The following FAM193A variants were observed in gnomAD, a reference collection of about 807,000 sequenced individuals.
FAM193A encodes family with sequence similarity 193 member A.
Under a neutral mutation model 126.5 loss-of-function variants are expected in FAM193A, and 22 were observed. The observed-to-expected ratio is 0.17, with a 90% CI of 0.12 to 0.25. FAM193A has a LOEUF of 0.25. Among genes scored for constraint, FAM193A ranks in the 10% least tolerant of loss-of-function variants. The pLI, the probability that FAM193A is intolerant of heterozygous loss-of-function variation, is 1.00. For synonymous variants in FAM193A, 761 were observed against 646.8 expected, an observed-to-expected ratio of 1.18 and a Z score of -2.68; for missense variants, 1,675 against 1,672.8, an observed-to-expected ratio of 1.00 and a Z score of -0.02.
chr4:2,581,131 A>AC (rs1739903955), intron 1 of FAM193A, among the ~76,000 whole-genome samples: 3 of 124,796 alleles, frequency 2.4e-5, no homozygotes, highest in Non-Finnish European at 5.0e-5. Context: ...TCCGTCTCAA[A>AC]AAACAACAAC....
At chr4:2,673,739 T>A (rs550220059) in intron 13 of FAM193A, among the ~76,000 whole-genome samples, 12 of 152,318 alleles carry the variant, frequency 7.9e-5, no homozygotes, top group Admixed American at 4.6e-4. Flanking sequence ...CAAGAAAAGA[T>A]AATATTCTGT....
At chr4:2,607,416 C>G (rs1475590539) in intron 2 of FAM193A, among the ~76,000 whole-genome samples, 1 of 152,136 alleles carries the variant, frequency 6.6e-6, no homozygotes, top group Non-Finnish European at 1.5e-5. Flanking sequence ...AGGCAGAGGA[C>G]ATTTTGGTAC....
chr4:2,709,193 G>A (rs370414361), intron 19 of FAM193A, among the ~76,000 whole-genome samples: 4 of 152,040 alleles, frequency 2.6e-5, no homozygotes, highest in African/African-American at 9.7e-5. Context: ...GTATTAATAC[G>A]ATGTTTTACA....
intron 1 of FAM193A, among the ~76,000 whole-genome samples, chr4:2,538,938 T>C (rs1737057819): frequency 6.6e-6 from 1 of 152,136 alleles, no homozygotes; most frequent in Admixed American, 6.6e-5. Context: ...TCGCCCAGGC[T>C]GGAGTGCAGT....
chr4:2,698,146 G>C (rs1717253844), intron 18 of FAM193A, among the ~76,000 whole-genome samples: 1 of 152,254 alleles, frequency 6.6e-6, no homozygotes, highest in South Asian at 2.1e-4. Context: ...GGTTGTTGAA[G>C]GGACAGCAAT....
chr4:2,571,844 C>T (rs1171683364), intron 1 of FAM193A, among the ~76,000 whole-genome samples: 2 of 151,158 alleles, frequency 1.3e-5, no homozygotes, highest in African/African-American at 4.9e-5. Context: ...TCTGCCTAGA[C>T]CAGAACTTTT....
At chr4:2,611,281 T>C (rs1210083962) in intron 2 of FAM193A, among the ~76,000 whole-genome samples, 1 of 151,032 alleles carries the variant, frequency 6.6e-6, no homozygotes, top group Non-Finnish European at 1.5e-5. Context: ...ATTTATTTAT[T>C]TATTTGAGAC....
At chr4:2,712,532 C>T (rs768405718) in intron 19 of FAM193A, among the ~76,000 whole-genome samples, 2 of 152,154 alleles carry the variant, frequency 1.3e-5, no homozygotes, top group African/African-American at 4.8e-5. Flanking sequence ...ATTTGCCTGA[C>T]GAGACAGCCT....
At chr4:2,684,933 G>A (rs758466631) in intron 13 of FAM193A, among the ~76,000 whole-genome samples, 5 of 152,222 alleles carry the variant, frequency 3.3e-5, no homozygotes, top group Non-Finnish European at 7.3e-5. Flanking sequence ...AGCAGGTGCG[G>A]CTGCATTTTG....
At chr4:2,557,959 A>G (rs1738362176) in intron 1 of FAM193A, among the ~76,000 whole-genome samples, 1 of 151,932 alleles carries the variant, frequency 6.6e-6, no homozygotes, top group African/African-American at 2.4e-5. Context: ...CTCAAAAAAA[A>G]AAAAAGTTAA....
intron 5 of FAM193A, among the ~76,000 whole-genome samples, chr4:2,637,172 C>A (rs866282469): frequency 2.6e-5 from 4 of 152,092 alleles, no homozygotes; most frequent in South Asian, 2.1e-4. Flanking sequence ...ACAGAAGATA[C>A]AAAAATTAGC....
intron 7 of FAM193A, among the ~76,000 whole-genome samples, chr4:2,649,348 CT>C (rs1745444830): frequency 7.0e-6 from 1 of 142,206 alleles, no homozygotes; most frequent in Non-Finnish European, 1.5e-5. Context: ...GCACTGCAGC[CT>C]GGGTGACAGA....
chr4:2,536,631 C>T (rs2108793762), upstream of FAM193A: 1 of 151,320 alleles, frequency 6.6e-6, no homozygotes, highest in Admixed American at 6.6e-5. Flanking sequence ...TTCCCCCTCC[C>T]CCGACGTAAA....
rs147195369 is a variant in FAM193A, at chr4:2,671,585, G to A, written c.2080-536G>A. ...GCTGATTTGCATGAATAAATGTGTC[G>A]CGGTATTTTCCTTGGGCTGATTTCC... On this transcript the variant is annotated intron_variant, in intron 12 of 20. Coordinates refer to ENST00000637812, the MANE Select transcript of FAM193A (RefSeq NM_001366318.2). 1.5e-3 allele frequency among the ~76,000 whole-genome samples: 235 copies of A among 152,288 alleles called. 2 individuals are homozygous for A. Among genetic ancestry groups the A allele is most frequent in the African/African-American group, 4.7e-3 (194 of 41,568 alleles).
Position 2,648,538 on chromosome 4 carries a change from TTC to T in FAM193A, c.1311+1708_1311+1709del, listed in dbSNP as rs1471441599. ...CTGTGGCTTGTCACTGACCAGCGACTTCTTAGCCTGGACTACTGTGAGAGCAG... is the reference window on the plus strand; with the variant it reads ...CTGTGGCTTGTCACTGACCAGCGACTTTAGCCTGGACTACTGTGAGAGCAG... On this transcript the variant is annotated intron_variant, in intron 7 of 20. Coordinates refer to ENST00000637812, the MANE Select transcript of FAM193A (RefSeq NM_001366318.2). Among the ~76,000 whole-genome samples, 6 of 152,210 alleles carry T rather than the reference TTC, an allele frequency of 3.9e-5. No homozygotes were observed. In the East Asian group the frequency reaches 1.2e-3, roughly 29 times the overall value.
At chr4:2,588,718 C>G (rs549105422) in intron 1 of FAM193A, among the ~76,000 whole-genome samples, 8 of 152,260 alleles carry the variant, frequency 5.3e-5, no homozygotes, top group African/African-American at 1.9e-4. Context: ...TTTTATTTTT[C>G]TCTCTGGTCA....
At chr4:2,731,196 CAAAAAAAAAAAAAAAAA>C (rs546217602) in intron 20 of FAM193A, among the ~76,000 whole-genome samples, 1 of 86,870 alleles carries the variant, frequency 1.2e-5, no homozygotes, top group African/African-American at 6.1e-5. Context: ...AACTCCTTCT[CAAAAAAAAAAAAAAAAA>C]AAAAAAAAAA....
Position 2,689,545 on chromosome 4 carries a change from C to T in FAM193A, c.2371C>T (p.His791Tyr). 6.5e-7 allele frequency: 1 copy of T among 1,547,380 alleles called. No individual in the cohort carries two copies. Among genetic ancestry groups the T allele is most frequent in the African/African-American group, 1.4e-5 (1 of 70,358 alleles). The change falls in exon 14 of 21, where the codon CAT becomes TAT. Residue 791 changes from histidine to tyrosine, a missense_variant. Transcript: ENST00000637812. Reference sequence around the variant, plus strand: ...ACCTGTTCAGAATCACACAAATAAGCATCAGGTATTCAATGCATCTCTTCA... The same window carrying T: ...ACCTGTTCAGAATCACACAAATAAGTATCAGGTATTCAATGCATCTCTTCA... ...PAPVQNHTNK[H>Y]QVFNASLQDH...
intron 5 of FAM193A, among the ~76,000 whole-genome samples, chr4:2,633,255 C>T (rs865884552): frequency 6.6e-6 from 1 of 151,402 alleles, no homozygotes; most frequent in Non-Finnish European, 1.5e-5. Flanking sequence ...AAAAATTAGC[C>T]GGGCATGGTG....
Sources: gnomAD v4.1 joint callset for allele counts (sites outside exome capture counted in the v4.1 genomes callset) on GRCh38, gnomAD v4.1.1 for gene constraint, MANE v1.5 for transcripts, NCBI Gene and HGNC (gene_info 2026-07-23, HGNC 2026-07-21) for gene names.